Variants in GTF2H1 observed in about 807,000 individuals in gnomAD.
GTF2H1 encodes BTF2 p62.
Under a neutral mutation model 71.2 loss-of-function variants are expected in GTF2H1, and 16 were observed. The ratio of observed to expected loss-of-function variants is 0.22; its 90% CI spans 0.15 to 0.34. The LOEUF (loss-of-function observed/expected upper bound fraction) is 0.34. Ranked by LOEUF, GTF2H1 falls within the 10% of genes least tolerant of loss-of-function variation. The pLI, the probability that GTF2H1 is intolerant of heterozygous loss-of-function variation, is 1.00. For synonymous variants in GTF2H1, 215 were observed against 219.0 expected, an observed-to-expected ratio of 0.98 and a Z score of 0.16; for missense variants, 498 against 648.2, an observed-to-expected ratio of 0.77 and a Z score of 2.52.
rs745553764 is a variant in GTF2H1 at position 18,343,320 on chromosome 11, T to C, written c.837+1713T>C. 7.7e-4 allele frequency among the ~76,000 whole-genome samples: 117 copies of C among 152,360 alleles called. 1 individual carries two copies. Among genetic ancestry groups the C allele is most frequent in the Middle Eastern group, 3.4e-3 (1 of 294 alleles). On this transcript the variant is annotated intron_variant, in intron 7 of 14. Coordinates refer to ENST00000265963, the MANE Select transcript of GTF2H1 (RefSeq NM_005316.4). Reference sequence around the variant, plus strand: ...TGAGTTAAAAGAGCCTAGTGCGTAATAAGTAGTAGGTAATAGGCATTATTG... The same window carrying C: ...TGAGTTAAAAGAGCCTAGTGCGTAACAAGTAGTAGGTAATAGGCATTATTG...
intron 1 of GTF2H1, among the ~76,000 whole-genome samples, chr11:18,323,027 C>G (rs1864567591): frequency 6.6e-6 from 1 of 152,208 alleles, no homozygotes; most frequent in African/African-American, 2.4e-5. Context: ...CTCTCCCAGA[C>G]AGAGAAGCCC....
chr11:18,335,994 A>C, intron 3 of GTF2H1, 48 bp downstream of exon 3: 1 of 1,411,188 alleles, frequency 7.1e-7, no homozygotes, highest in Non-Finnish European at 9.9e-7. Flanking sequence ...GGTTCTCTAT[A>C]GTCTCCTAGT....
chr11:18,355,872 G>A (rs1467988434), intron 11 of GTF2H1, among the ~76,000 whole-genome samples: 1 of 152,100 alleles, frequency 6.6e-6, no homozygotes, highest in African/African-American at 2.4e-5. Context: ...TAAAAAACCG[G>A]TTCTGTCACC....
rs1365699850 is a variant in GTF2H1 at position 18,352,111 on chromosome 11, G to A, written c.1142+142G>A. On this transcript the variant is annotated intron_variant, in intron 10 of 14. Transcript: ENST00000265963. ...TTCTGTTTAAAATTTAGGCTTCTCAGGAAGCAAAAATGATCAAACCCATGA... is the reference window on the plus strand; with the variant it reads ...TTCTGTTTAAAATTTAGGCTTCTCAAGAAGCAAAAATGATCAAACCCATGA... 4.7e-6 allele frequency: 3 copies of A among 636,682 alleles called. No homozygotes were observed. The East Asian group carries it at 7.8e-5, about 17-fold the overall frequency. 39.4% of individuals were successfully genotyped at this position (636,682 alleles called of 1,614,324 possible).
In GTF2H1 at chr11:18,358,655, T is replaced by A; in HGVS notation, c.1467+15T>A. Reference sequence around the variant, plus strand: ...TAGAAGAAAAGGTTAGAACCAGTTCTGAAGACAGCCAGATAATTGTGGTAG... The same window carrying A: ...TAGAAGAAAAGGTTAGAACCAGTTCAGAAGACAGCCAGATAATTGTGGTAG... On this transcript the variant is annotated intron_variant, in intron 13 of 14. Coordinates refer to ENST00000265963, the MANE Select transcript of GTF2H1 (RefSeq NM_005316.4). 6.9e-7 allele frequency: 1 copy of A among 1,440,126 alleles called. No individual in the cohort carries two copies. The highest frequency in any genetic ancestry group is 2.3e-5 in the East Asian group (1 of 43,982). 89.2% of individuals were successfully genotyped at this position (1,440,126 alleles called of 1,614,324 possible). A position where few individuals can be genotyped will look rare whatever the true frequency, so the allele number is the denominator to read the frequency against.
At chr11:18,355,783 ATTTATCTT>A (rs1865530636) in intron 11 of GTF2H1, among the ~76,000 whole-genome samples, 1 of 152,044 alleles carries the variant, frequency 6.6e-6, no homozygotes, top group South Asian at 2.1e-4. Context: ...CCAAAATGAA[ATTTATCTT>A]TTTAAGTCTG....
intron 7 of GTF2H1, among the ~76,000 whole-genome samples, chr11:18,346,248 C>T (rs964366968): frequency 6.6e-6 from 1 of 152,212 alleles, no homozygotes; most frequent in Admixed American, 6.5e-5. Flanking sequence ...GACAAGGTCT[C>T]ACTGTGTTGC....
At chr11:18,333,277 A>G in intron 2 of GTF2H1, 49 bp downstream of exon 2, 3 of 1,337,948 alleles carry the variant, frequency 2.2e-6, no homozygotes, top group African/African-American at 1.5e-5. Flanking sequence ...CATAGTTGCT[A>G]GTAATTTTGT....
chr11:18,345,214 T>TA (rs1865261967), intron 7 of GTF2H1, among the ~76,000 whole-genome samples: 2 of 151,918 alleles, frequency 1.3e-5, no homozygotes, highest in East Asian at 3.9e-4. Context: ...AATATAAATT[T>TA]AAAAATTAAA....
chr11:18,345,341 G>A (rs190533109), intron 7 of GTF2H1, among the ~76,000 whole-genome samples: 91 of 152,082 alleles, frequency 6.0e-4, no homozygotes, highest in African/African-American at 1.8e-3. Flanking sequence ...AAAATATTGT[G>A]TTTACCTTGT....
chr11:18,358,992 A>G (rs555249036), intron 13 of GTF2H1, among the ~76,000 whole-genome samples: 1 of 152,360 alleles, frequency 6.6e-6, no homozygotes, highest in South Asian at 2.1e-4. Context: ...AGAACTGACA[A>G]CAAATATAGC....
At chr11:18,359,766 A>G (rs1311619730) in intron 13 of GTF2H1, among the ~76,000 whole-genome samples, 1 of 151,612 alleles carries the variant, frequency 6.6e-6, no homozygotes. Flanking sequence ...GCTGGAGTGC[A>G]GTGGAGTGAT....
intron 12 of GTF2H1, among the ~76,000 whole-genome samples, chr11:18,358,271 A>G (rs1227191022): frequency 6.6e-6 from 1 of 152,230 alleles, no homozygotes; most frequent in Non-Finnish European, 1.5e-5. Flanking sequence ...CTCTAATATC[A>G]TAGTAAAAGC....
Position 18,353,085 on chromosome 11 carries a change from C to T in GTF2H1, c.1260+639C>T, listed in dbSNP as rs4150652. Among the ~76,000 whole-genome samples the T allele has an allele frequency of 4.4e-3, 677 of 152,148 alleles. 8 individuals carry two copies. Among genetic ancestry groups the T allele is most frequent in the Non-Finnish European group, 6.9e-3 (468 of 68,002 alleles). On this transcript the variant is annotated intron_variant, in intron 11 of 14. Coordinates refer to ENST00000265963, the MANE Select transcript of GTF2H1 (RefSeq NM_005316.4). Reference sequence around the variant, plus strand: ...ACTAAAAATTTAAAAATTAACTGGGCGTGGTGGCACACACCTGTAATCCCA... The same window carrying T: ...ACTAAAAATTTAAAAATTAACTGGGTGTGGTGGCACACACCTGTAATCCCA...
chr11:18,345,493 A>G (rs1865269363), intron 7 of GTF2H1, among the ~76,000 whole-genome samples: 1 of 149,396 alleles, frequency 6.7e-6, no homozygotes, highest in Non-Finnish European at 1.5e-5. Flanking sequence ...TGAACAGCAT[A>G]TGGATCTTTT....
chr11:18,338,627 A>G (rs1865087506), intron 4 of GTF2H1, among the ~76,000 whole-genome samples: 1 of 152,024 alleles, frequency 6.6e-6, no homozygotes, highest in African/African-American at 2.4e-5. Flanking sequence ...TTATTTTTAT[A>G]GGGCGGGGGG....
chr11:18,358,473 CTG>C, intron 12 of GTF2H1, 50 bp from the exon 13 acceptor site: 1 of 1,015,854 alleles, frequency 9.8e-7, no homozygotes, highest in Non-Finnish European at 1.5e-6. Flanking sequence ...TTTTTCGAGA[CTG>C]TATATGTTAA....
intron 13 of GTF2H1, among the ~76,000 whole-genome samples, chr11:18,359,368 CTG>C (rs1565019615): frequency 6.6e-6 from 1 of 152,152 alleles, no homozygotes; most frequent in Non-Finnish European, 1.5e-5. Flanking sequence ...TAGCAAGACT[CTG>C]TCTCCAAAAA....
At chr11:18,352,614 A>G (rs1025068980) in intron 11 of GTF2H1, among the ~76,000 whole-genome samples, 168 bp downstream of exon 11, 2 of 152,236 alleles carry the variant, frequency 1.3e-5, no homozygotes, top group Non-Finnish European at 2.9e-5. Flanking sequence ...TGTTTGGCAT[A>G]TTCAAGAGGC....
Sources: gnomAD v4.1 joint callset for allele counts (sites outside exome capture counted in the v4.1 genomes callset) on GRCh38, gnomAD v4.1.1 for gene constraint, MANE v1.5 for transcripts, NCBI Gene and HGNC (gene_info 2026-07-23, HGNC 2026-07-21) for gene names.